The following RRM2 variants were observed in gnomAD, a reference collection of about 807,000 sequenced individuals.
RRM2 encodes the protein ribonucleoside-diphosphate reductase subunit M2.
Under a neutral mutation model 45.9 loss-of-function variants are expected in RRM2, and 6 were observed. The observed-to-expected ratio is 0.13, with a 90% CI of 0.07 to 0.26. RRM2 has a LOEUF of 0.26. RRM2 is among the 10% of genes least tolerant of loss of function. The pLI is 1.00. For missense variants in RRM2, 343 were observed against 489.5 expected, an observed-to-expected ratio of 0.70 and a Z score of 2.82; for synonymous variants, 177 against 173.0, an observed-to-expected ratio of 1.02 and a Z score of -0.18.
intron 3 of RRM2, among the ~76,000 whole-genome samples, chr2:10,181,771 TTTTTTTTTTTA>T (rs1440673009): frequency 4.6e-4 from 47 of 102,450 alleles, no homozygotes; most frequent in African/African-American, 1.8e-3. Context: ...TTTTTTTTTT[TTTTTTTTTTTA>T]AGACAGGGTC....
chr2:10,148,108 C>T (rs1232668725), intron 3 of RRM2, among the ~76,000 whole-genome samples: 3 of 140,372 alleles, frequency 2.1e-5, no homozygotes, highest in Non-Finnish European at 4.5e-5. Flanking sequence ...CATGCCACTG[C>T]ACTCCAGCCT....
At chr2:10,152,152 G>A (rs1663324144) in intron 3 of RRM2, among the ~76,000 whole-genome samples, 2 of 151,994 alleles carry the variant, frequency 1.3e-5, no homozygotes. Flanking sequence ...CTTTCACCAT[G>A]TTAGCCAGGA....
chr2:10,170,331 T>C (rs1663773238), intron 3 of RRM2, among the ~76,000 whole-genome samples: 1 of 152,158 alleles, frequency 6.6e-6, no homozygotes, highest in African/African-American at 2.4e-5. Flanking sequence ...ATCATGGAAA[T>C]AAATGTCCTC....
chr2:10,123,227 CG>C (rs1252918672), intron 2 of RRM2, 159 bp from the exon 3 acceptor site: 1 of 1,268,302 alleles, frequency 7.9e-7, no homozygotes, highest in East Asian at 2.5e-5. Flanking sequence ...CCGGTTCGGG[CG>C]TGCGCTCCTC....
intron 3 of RRM2, among the ~76,000 whole-genome samples, chr2:10,188,002 G>C (rs1176292333): frequency 6.6e-6 from 1 of 152,198 alleles, no homozygotes; most frequent in African/African-American, 2.4e-5. Flanking sequence ...GGGCGGTGGG[G>C]TCTAGCGATC....
At position 10,129,335 on chromosome 2, in the gene RRM2, A is replaced by G. The variant is rs1375851616; in HGVS notation, c.1119A>G (p.Gly373=). The change falls in exon 10 of 10, where the codon GGA becomes GGG. Residue 373 remains glycine (G), a synonymous_variant. Coordinates refer to ENST00000304567, the MANE Select transcript of RRM2 (RefSeq NM_001034.4). This position sits in a 1 kb window ranked among gnomAD's most constrained non-coding sequence, Gnocchi z 4.8. The stretch of plus-strand genomic sequence containing the variant: ...GAGTAGGCGAGTATCAGAGGATGGG[A>G]GTGATGTCAAGTCCAACAGAGAATT... ...EKRVGEYQRM[G]VMSSPTENSF... 10 of 1,613,988 alleles carry G rather than the reference A, an allele frequency of 6.2e-6. No homozygotes were observed.
At chr2:10,190,440 G>GATA (rs1443818021) in intron 3 of RRM2, among the ~76,000 whole-genome samples, 1,515 of 142,602 alleles carry the variant, frequency 0.011, 17 homozygotes, top group Middle Eastern at 0.033. Flanking sequence ...TGAGTGTGAT[G>GATA]ATGATGATGT....
intron 3 of RRM2, among the ~76,000 whole-genome samples, chr2:10,186,454 C>G (rs1664169090): frequency 6.6e-6 from 1 of 151,664 alleles, no homozygotes; most frequent in Non-Finnish European, 1.5e-5. Context: ...CGTGCCCGGC[C>G]AGCAGTGGTT....
chr2:10,181,045 G>A (rs1027487944), intron 3 of RRM2, among the ~76,000 whole-genome samples: 3 of 152,274 alleles, frequency 2.0e-5, no homozygotes, highest in African/African-American at 7.2e-5. Flanking sequence ...GGGATTACAG[G>A]TGTGAGCCAC....
In RRM2 at chr2:10,129,673, T is replaced by C. The variant is rs936676506; in HGVS notation, c.*287T>C. ...CTTTAGTGAGCTTAGCACAGCGGGA[T>C]TAAACAGTCCTTTAACCAGCACAGC... is the stretch of plus-strand genomic sequence containing the variant. On this transcript the variant is annotated 3_prime_UTR_variant, in exon 10 of 10. Transcript: ENST00000304567. The surrounding 1 kb of genome is among the most constrained non-coding windows in gnomAD (Gnocchi z 4.8). The C allele has an allele frequency of 1.1e-5, 4 of 358,062 alleles. No homozygotes were observed. The highest frequency in any genetic ancestry group is 2.0e-5 in the Non-Finnish European group (4 of 198,110). 22.2% of individuals were successfully genotyped at this position (358,062 alleles called of 1,614,324 possible).
At chr2:10,198,268 A>G (rs1186589374) in intron 3 of RRM2, among the ~76,000 whole-genome samples, 1 of 152,122 alleles carries the variant, frequency 6.6e-6, no homozygotes, top group East Asian at 1.9e-4. Flanking sequence ...AAGTGGACTA[A>G]CTAACATCTC....
At chr2:10,182,155 T>C (rs1664073050) in intron 3 of RRM2, among the ~76,000 whole-genome samples, 1 of 152,048 alleles carries the variant, frequency 6.6e-6, no homozygotes, top group Non-Finnish European at 1.5e-5. Context: ...CTGGCCGACA[T>C]GGTGAAACAC....
rs75461262 is a variant in RRM2, at chr2:10,172,416, C to T, written n.482+30041C>T. On this transcript the variant is annotated intron_variant and non_coding_transcript_variant, in intron 3 of 3. Transcript: ENST00000381786. This position sits in a 1 kb window ranked among gnomAD's most constrained non-coding sequence, Gnocchi z 4.9. ...CTGCTTCTGCAGCGCTCCTTGTCTCCGTCAGTGATTTATAGGAAGCTGGCT... is the reference window on the plus strand; with the variant it reads ...CTGCTTCTGCAGCGCTCCTTGTCTCTGTCAGTGATTTATAGGAAGCTGGCT... Among the ~76,000 whole-genome samples the T allele has an allele frequency of 0.022, 3,362 of 152,174 alleles. 120 individuals are homozygous for T. The highest frequency in any genetic ancestry group is 0.075 in the African/African-American group (3,126 of 41,510).
chr2:10,192,979 C>T (rs566856254), intron 3 of RRM2, among the ~76,000 whole-genome samples: 18 of 152,348 alleles, frequency 1.2e-4, no homozygotes, highest in African/African-American at 3.6e-4. Context: ...CTCCTTCAGA[C>T]TCCTCCAGGG....
chr2:10,144,368 T>A (rs1663147156), intron 3 of RRM2, among the ~76,000 whole-genome samples: 1 of 152,244 alleles, frequency 6.6e-6, no homozygotes, highest in Non-Finnish European at 1.5e-5. Context: ...GCTGTGCAGA[T>A]GTTCACATGA....
At chr2:10,137,360 A>G (rs1157007622), upstream of RRM2, among the ~76,000 whole-genome samples, 1 of 152,194 alleles carries the variant, frequency 6.6e-6, no homozygotes. Context: ...TAAAACCACC[A>G]GCTGGCCAGT....
chr2:10,184,606 G>A (rs1664126142), intron 3 of RRM2, among the ~76,000 whole-genome samples: 2 of 152,260 alleles, frequency 1.3e-5, no homozygotes, highest in Admixed American at 1.3e-4. Flanking sequence ...CCTGGCATGG[G>A]GCTGAGGCCT....
At position 10,195,920 on chromosome 2, in the gene RRM2, C is replaced by T. The variant is rs1664405564; in HGVS notation, n.483-14391C>T. Reference sequence around the variant, plus strand: ...AGGAAATTCCTTTTGTTCCTACCCTCACTTCCAGTGTTGAACACAGTCATG... The same window carrying T: ...AGGAAATTCCTTTTGTTCCTACCCTTACTTCCAGTGTTGAACACAGTCATG... On this transcript the variant is annotated intron_variant and non_coding_transcript_variant, in intron 3 of 3. Coordinates refer to the RRM2 transcript ENST00000381786. This position sits in a 1 kb window ranked among gnomAD's most constrained non-coding sequence, Gnocchi z 4.9. 6.6e-6 allele frequency among the ~76,000 whole-genome samples: 1 copy of T among 152,224 alleles called. No homozygotes were observed. Among genetic ancestry groups the T allele is most frequent in the South Asian group, 2.1e-4 (1 of 4,830 alleles).
chr2:10,161,380 G>A (rs918883944), intron 3 of RRM2, among the ~76,000 whole-genome samples: 8 of 152,152 alleles, frequency 5.3e-5, no homozygotes, highest in African/African-American at 1.9e-4. Flanking sequence ...TATTAGCACA[G>A]GTCCAAGACT....
Sources: gnomAD v4.1 joint callset for allele counts (sites outside exome capture counted in the v4.1 genomes callset) on GRCh38, gnomAD v4.1.1 for gene constraint, Gnocchi (gnomAD v3.1) non-coding constraint, MANE v1.5 for transcripts, NCBI Gene and HGNC (gene_info 2026-07-23, HGNC 2026-07-21) for gene names.